The following REDIC1 variants were observed in gnomAD, a reference collection of about 807,000 sequenced individuals.
The protein encoded by REDIC1 is regulator of DNA class I crossover intermediates 1, also known as HEI10 Interacting Protein 1.
chr12:39,784,211 T>C, the REDIC1 span, among the ~76,000 whole-genome samples: 199 of 152,236 alleles, frequency 1.3e-3, 2 homozygotes, highest in African/African-American at 4.7e-3. Context: ...CTTCACAGAA[T>C]TGGAAAAAAC....
chr12:39,734,806 G>A, the REDIC1 span, among the ~76,000 whole-genome samples: 2 of 152,028 alleles, frequency 1.3e-5, no homozygotes, highest in African/African-American at 4.8e-5. Context: ...AATTGCTTTG[G>A]CTAGACTTGG....
At chr12:39,820,717 T>TTATATATATATATA in the REDIC1 span, among the ~76,000 whole-genome samples, 7 of 132,666 alleles carry the variant, frequency 5.3e-5, no homozygotes, top group Admixed American at 7.4e-5. Context: ...ATTTTTAAAT[T>TTATATATATATATA]TATATATATA....
chr12:39,892,081 A>G, the REDIC1 span, among the ~76,000 whole-genome samples: 1 of 152,176 alleles, frequency 6.6e-6, no homozygotes, highest in Non-Finnish European at 1.5e-5. Context: ...AAGTTTGCAA[A>G]TTACCAAAAA....
At chr12:39,859,833 A>G in the REDIC1 span, among the ~76,000 whole-genome samples, 1 of 152,102 alleles carries the variant, frequency 6.6e-6, no homozygotes. Context: ...GCCTTAATTG[A>G]GAAGTATTAA....
the REDIC1 span, among the ~76,000 whole-genome samples, chr12:39,859,803 C>A: frequency 2.0e-5 from 3 of 152,044 alleles, no homozygotes; most frequent in South Asian, 6.2e-4. Flanking sequence ...TGGGATTACA[C>A]GCCTGAGCCA....
At chr12:39,721,153 A>T in the REDIC1 span, 1 of 1,613,732 alleles carries the variant, frequency 6.2e-7, no homozygotes, top group Non-Finnish European at 8.5e-7. Flanking sequence ...TTCAAAATGT[A>T]CATGTAGAAG....
the REDIC1 span, among the ~76,000 whole-genome samples, chr12:39,814,186 C>G: frequency 1.3e-5 from 2 of 152,138 alleles, no homozygotes; most frequent in African/African-American, 4.8e-5. Flanking sequence ...ATCAACCATT[C>G]TGATGTAGAT....
the REDIC1 span, chr12:39,864,991 G>GAA: frequency 5.0e-6 from 5 of 991,424 alleles, no homozygotes; most frequent in Non-Finnish European, 7.1e-6. Context: ...AAAAACTCCT[G>GAA]AAAAAAAAAT....
At chr12:39,843,936 T>C in the REDIC1 span, among the ~76,000 whole-genome samples, 61 of 152,004 alleles carry the variant, frequency 4.0e-4, no homozygotes, top group African/African-American at 1.3e-3. Context: ...TATGCTTTTT[T>C]CCCCCCAAAG....
the REDIC1 span, among the ~76,000 whole-genome samples, chr12:39,782,250 T>C: frequency 6.6e-6 from 1 of 152,190 alleles, no homozygotes; most frequent in African/African-American, 2.4e-5. Flanking sequence ...ATGGTTTGGC[T>C]GTGTCCCCAC....
the REDIC1 span, among the ~76,000 whole-genome samples, chr12:39,905,474 T>A: frequency 6.6e-6 from 1 of 152,162 alleles, no homozygotes; most frequent in Non-Finnish European, 1.5e-5. Flanking sequence ...ATTAAGTTTC[T>A]AGAAGAGTTG....
chr12:39,897,359 CTTCT>C, the REDIC1 span, among the ~76,000 whole-genome samples: 1 of 152,148 alleles, frequency 6.6e-6, no homozygotes, highest in Non-Finnish European at 1.5e-5. Flanking sequence ...CTCACTACCC[CTTCT>C]TTAACAGACA....
At chr12:39,643,502 T>C in the REDIC1 span, among the ~76,000 whole-genome samples, 14 of 151,826 alleles carry the variant, frequency 9.2e-5, no homozygotes, top group East Asian at 2.1e-3. Flanking sequence ...ACTTTCTATA[T>C]AGAGATAATT....
At chr12:39,712,382 A>G in the REDIC1 span, among the ~76,000 whole-genome samples, 98,211 of 124,302 alleles carry the variant, frequency 0.79, 40,044 homozygotes, top group Non-Finnish European at 0.87. Flanking sequence ...ATATATACCT[A>G]TATATATACC....
At chr12:39,629,604 G>A in the REDIC1 span, among the ~76,000 whole-genome samples, 2 of 152,036 alleles carry the variant, frequency 1.3e-5, no homozygotes, top group African/African-American at 4.8e-5. Context: ...ATGTCTTTTT[G>A]TAAAGGAAAG....
At chr12:39,782,953 G>T in the REDIC1 span, among the ~76,000 whole-genome samples, 4 of 152,102 alleles carry the variant, frequency 2.6e-5, no homozygotes, top group Admixed American at 2.6e-4. Flanking sequence ...CATGTGCCAT[G>T]TTGGTGTGCT....
At chr12:39,899,072 G>T in the REDIC1 span, among the ~76,000 whole-genome samples, 3 of 151,836 alleles carry the variant, frequency 2.0e-5, no homozygotes, top group African/African-American at 7.2e-5. Flanking sequence ...GTTCCTCCTT[G>T]TACCTCTGGT....
the REDIC1 span, among the ~76,000 whole-genome samples, chr12:39,834,295 G>A: frequency 1.3e-5 from 2 of 151,866 alleles, no homozygotes; most frequent in Non-Finnish European, 2.9e-5. Flanking sequence ...AAGGGACTAG[G>A]CATGAATTTT....
At chr12:39,708,167 T>C in the REDIC1 span, among the ~76,000 whole-genome samples, 3,069 of 151,876 alleles carry the variant, frequency 0.02, 41 homozygotes, top group South Asian at 0.029. Context: ...AACAATGTAA[T>C]TAGATGATTT....
Sources: gnomAD v4.1 joint callset for allele counts (sites outside exome capture counted in the v4.1 genomes callset) on GRCh38, gnomAD v4.1.1 for gene constraint, MANE v1.5 for transcripts, NCBI Gene and HGNC (gene_info 2026-07-23, HGNC 2026-07-21) for gene names.